Variants in DOCK5 observed in about 807,000 individuals in gnomAD.
The protein encoded by DOCK5 is dedicator of cytokinesis 5, also known as dedicator of cytokinesis protein 5.
Under a neutral mutation model 251.8 loss-of-function variants are expected in DOCK5, and 142 were observed. The ratio of observed to expected loss-of-function variants is 0.56; its 90% CI spans 0.49 to 0.65. DOCK5 has a LOEUF of 0.65. Ranked by LOEUF, DOCK5 falls within the 30% of genes least tolerant of loss-of-function variation. DOCK5 has a pLI of 0.00. For missense variants in DOCK5, 2,111 were observed against 2,312.3 expected (o/e 0.91, Z 1.79); for synonymous variants, 842 against 835.5 (o/e 1.01, Z -0.13).
chr8:25,368,163 C>T (rs1197833709), intron 31 of DOCK5, 29 bp from the exon 32 acceptor site: 4 of 1,570,732 alleles, frequency 2.5e-6, no homozygotes, highest in Admixed American at 3.4e-5. Flanking sequence ...ACTGAAAATC[C>T]TCCTTCTAGT....
intron 28 of DOCK5, among the ~76,000 whole-genome samples, chr8:25,359,553 A>G (rs1157813216): frequency 3.3e-5 from 5 of 152,218 alleles, no homozygotes; most frequent in Non-Finnish European, 7.3e-5. Context: ...GCAGGCCAGC[A>G]AGCATTAACT....
intron 12 of DOCK5, among the ~76,000 whole-genome samples, chr8:25,309,842 A>T (rs1428434524): frequency 6.6e-6 from 1 of 152,094 alleles, no homozygotes; most frequent in East Asian, 1.9e-4. Context: ...AAAGAAAGAA[A>T]GACAGAAAAA....
intron 6 of DOCK5, among the ~76,000 whole-genome samples, chr8:25,294,900 A>G (rs1804580134): frequency 6.6e-6 from 1 of 152,064 alleles, no homozygotes; most frequent in African/African-American, 2.4e-5. Context: ...TTAAACAACC[A>G]GATCTCGTGA....
intron 3 of DOCK5, among the ~76,000 whole-genome samples, chr8:25,272,088 GC>G (rs1164777618): frequency 6.6e-6 from 1 of 151,996 alleles, no homozygotes; most frequent in Non-Finnish European, 1.5e-5. Context: ...GAGTACAGTG[GC>G]GTGATCACAG....
rs534566916 is a variant in DOCK5, at chr8:25,207,573, A to G, written c.43+22622A>G. ...GCTAAATCTACTCTGCCTGTGCTCT[A>G]TAAATGGAACAGCAAAGTCTGGATG... On this transcript the variant is annotated intron_variant, in intron 1 of 51. Transcript: ENST00000276440. Among the ~76,000 whole-genome samples, 10 of 152,342 alleles carry G rather than the reference A, an allele frequency of 6.6e-5. No individual in the cohort carries two copies. In the South Asian group the frequency reaches 2.1e-3, roughly 32 times the overall value.
rs780973314 is a variant in DOCK5, at chr8:25,296,532, G to A, written c.490G>A (p.Val164Met). The A allele has an allele frequency of 8.7e-6, 14 of 1,610,500 alleles. No homozygotes were observed. The South Asian group carries it at 1.6e-4, about 18-fold the overall frequency. ...HGNRMLGLDL[V>M]VRDDNGNILD... ...CTCCAGAATGCTGGGGTTAGATCTG[G>A]TGGTGCGAGATGACAATGGGAACAT... The change falls in exon 7 of 52, where the codon GTG becomes ATG. Residue 164 changes from valine to methionine, a missense_variant. Val to Met is a conservative substitution (Grantham distance 21, BLOSUM62 1). This residue lies in a region of DOCK5 where 335 missense variants were observed against 324.9 expected (regional missense o/e 1.03). Transcript: ENST00000276440.
At chr8:25,304,957 C>CA (rs1425226893) in intron 11 of DOCK5, 1 of 152,826 alleles carries the variant, frequency 6.5e-6, no homozygotes, top group Non-Finnish European at 1.5e-5. Context: ...TATTGAGCTG[C>CA]AGGAGCTGGA....
chr8:25,292,106 C>A lies in DOCK5; in HGVS notation c.404C>A (p.Thr135Lys). 6.3e-7 allele frequency: 1 copy of A among 1,589,918 alleles called. No homozygotes were observed. Among genetic ancestry groups the A allele is most frequent in the Non-Finnish European group, 8.6e-7 (1 of 1,167,416 alleles). The change falls in exon 6 of 52, where the codon ACG becomes AAG. Residue 135 changes from threonine (T) to lysine (K), a missense_variant. Around this residue, in one of 3 missense-constraint regions of DOCK5, gnomAD observed 335 missense variants for 324.9 expected, o/e 1.03. Coordinates refer to ENST00000276440, the MANE Select transcript of DOCK5 (RefSeq NM_024940.8). The stretch of plus-strand genomic sequence containing the variant: ...TGGCGGTCCCAGATCCTGTCTGGGA[C>A]GCTCCCCAAGGATGAACTGGCAGAG... ...IEWRSQILSGTLPKDELAELK... is the reference protein window; with the variant it reads ...IEWRSQILSGKLPKDELAELK...
intron 5 of DOCK5, among the ~76,000 whole-genome samples, chr8:25,283,269 A>G (rs1804248428): frequency 6.6e-6 from 1 of 152,046 alleles, no homozygotes; most frequent in Admixed American, 6.6e-5. Context: ...TATCTTCCCC[A>G]GTGGGTGTTG....
At chr8:25,278,539 A>C (rs746605469) in intron 4 of DOCK5, 30 bp from the exon 5 acceptor site, 1 of 1,609,858 alleles carries the variant, frequency 6.2e-7, no homozygotes, top group Non-Finnish European at 8.5e-7. Context: ...TCAGCCTAGA[A>C]GAAAGTGACC....
chr8:25,342,412 G>A lies in DOCK5; in HGVS notation c.2522G>A (p.Cys841Tyr). ...GGTTTCTCTCCCAGCGTGCTCTTCT[G>A]CAAATTCATTCAAAGCATTCCTGAC... ...FDPVELSVLF[C>Y]KFIQSIPDNQ... Residue 841 changes from cysteine (C) to tyrosine (Y), a missense_variant, in exon 25 of 52, where the codon TGC becomes TAC. Cys to Tyr is a radical substitution (Grantham distance 194, BLOSUM62 -2). This residue lies in a region of DOCK5 where 1,717 missense variants were observed against 1,892.4 expected (regional missense o/e 0.91). Coordinates refer to ENST00000276440, the MANE Select transcript of DOCK5 (RefSeq NM_024940.8). 6.3e-7 allele frequency: 1 copy of A among 1,592,236 alleles called. No individual in the cohort carries two copies. The highest frequency in any genetic ancestry group is 2.3e-5 in the East Asian group (1 of 44,220).
At position 25,210,481 on chromosome 8, in the gene DOCK5, G is replaced by A. The variant is rs1272968525; in HGVS notation, c.43+25530G>A. On this transcript the variant is annotated intron_variant, in intron 1 of 51. Coordinates refer to ENST00000276440, the MANE Select transcript of DOCK5 (RefSeq NM_024940.8). ...AAGATGTGAATAAAAGAGGGATTGG[G>A]ACCGGGCGCTGTGGCTCACACCTGT... Among the ~76,000 whole-genome samples, 2 of 68,992 alleles carry A rather than the reference G, an allele frequency of 2.9e-5. 1 individual carries two copies. Among genetic ancestry groups the A allele is most frequent in the East Asian group, 6.5e-4 (2 of 3,062 alleles). 45.3% of individuals were successfully genotyped at this position (68,992 alleles called of 152,430 possible).
intron 32 of DOCK5, 141 bp from the exon 33 acceptor site, chr8:25,368,430 A>T: frequency 9.0e-7 from 1 of 1,111,792 alleles, no homozygotes; most frequent in Non-Finnish European, 1.3e-6. Flanking sequence ...TGGCATCCAC[A>T]TGCTATCAGA....
intron 5 of DOCK5, among the ~76,000 whole-genome samples, chr8:25,282,988 T>C (rs1044093059): frequency 6.6e-6 from 1 of 151,762 alleles, no homozygotes; most frequent in Admixed American, 6.6e-5. Context: ...CACAGTCTCA[T>C]ATGAGGGGAA....
chr8:25,386,905 C>G (rs1801174807), intron 40 of DOCK5, among the ~76,000 whole-genome samples: 1 of 152,182 alleles, frequency 6.6e-6, no homozygotes, highest in African/African-American at 2.4e-5. Context: ...AAAATAATGC[C>G]TACATCGCAG....
At chr8:25,380,201 C>T in intron 38 of DOCK5, 104 bp from the exon 39 acceptor site, 1 of 981,290 alleles carries the variant, frequency 1.0e-6, no homozygotes, top group Non-Finnish European at 1.6e-6. Context: ...AAACTCAATC[C>T]CCCAGACCAC....
chr8:25,320,801 A>T (rs1356074750), intron 15 of DOCK5, among the ~76,000 whole-genome samples, 179 bp from the exon 16 acceptor site: 3 of 152,222 alleles, frequency 2.0e-5, no homozygotes, highest in Non-Finnish European at 4.4e-5. Flanking sequence ...CAGCAAGATG[A>T]TCTGAGATTC....
intron 40 of DOCK5, among the ~76,000 whole-genome samples, chr8:25,384,457 TTATTTA>T (rs1269471510): frequency 7.9e-5 from 3 of 37,802 alleles, no homozygotes; most frequent in South Asian, 8.7e-4. Flanking sequence ...ATTTATTTAT[TTATTTA>T]TTTTTTTTTT....
chr8:25,210,022 A>G (rs182388460), intron 1 of DOCK5, among the ~76,000 whole-genome samples: 13 of 24,722 alleles, frequency 5.3e-4, no homozygotes, highest in South Asian at 1.3e-3. Context: ...ATATATATAT[A>G]TATATATATA....
Sources: allele counts gnomAD v4.1 joint callset (sites outside exome capture counted in the v4.1 genomes callset), GRCh38; gene constraint gnomAD v4.1.1; regional missense constraint gnomAD v4.1.1; transcripts MANE v1.5; gene names NCBI Gene and HGNC (gene_info 2026-07-23, HGNC 2026-07-21).